The following TPP2 variants were observed in gnomAD, a reference collection of about 807,000 sequenced individuals.
TPP2 encodes the protein tripeptidyl peptidase 2.
In TPP2, 34 loss-of-function variants were observed where a neutral mutation model predicts 155.9. The ratio of observed to expected loss-of-function variants is 0.22; its 90% confidence interval spans 0.17 to 0.29. TPP2 has a LOEUF of 0.29. TPP2 is among the 10% of genes least tolerant of loss of function. The probability of loss-of-function intolerance (pLI) is 1.00; values close to 1 mark genes in which losing one functional copy is unlikely to be tolerated. For missense variants in TPP2, 1,028 were observed against 1,522.3 expected (o/e 0.68, Z 5.40); for synonymous variants, 510 against 529.4 (o/e 0.96, Z 0.50).
intron 21 of TPP2, 92 bp downstream of exon 21, chr13:102,647,436 T>TA (rs903858202): frequency 1.9e-4 from 273 of 1,429,354 alleles, no homozygotes; most frequent in South Asian, 2.1e-4. Context: ...GTTCATACTT[T>TA]AAAAAAAACA....
At position 102,678,405 on chromosome 13, in the gene TPP2, A is replaced by G. The variant is rs997900104; in HGVS notation, c.*89A>G. 8 of 1,099,230 alleles carry G rather than the reference A, an allele frequency of 7.3e-6. No individual in the cohort carries two copies. The highest frequency in any genetic ancestry group is 3.8e-5 in the Admixed American group (2 of 52,998). The allele number at this position is 1,099,230 out of a possible 1,614,324, so 68.1% of individuals were successfully genotyped here. A position where few individuals can be genotyped will look rare whatever the true frequency, so the allele number is the denominator to read the frequency against. ...ATTTGTGGCATTTTTAGTCTAATGC[A>G]TGTTTTCATCCACTATCCAGTACTG... is the stretch of plus-strand genomic sequence containing the variant. On this transcript the variant is annotated 3_prime_UTR_variant, in exon 30 of 30. Transcript: ENST00000376052.
chr13:102,673,161 T>C (rs1885083564), intron 27 of TPP2, among the ~76,000 whole-genome samples: 1 of 152,192 alleles, frequency 6.6e-6, no homozygotes, highest in Admixed American at 6.5e-5. Flanking sequence ...TTCCCTGCCA[T>C]GCGGCCTCTT....
intron 4 of TPP2, 32 bp downstream of exon 4, chr13:102,616,532 C>T: frequency 2.8e-5 from 43 of 1,540,510 alleles, no homozygotes; most frequent in Non-Finnish European, 3.6e-5. Context: ...TTAAACATTA[C>T]CCTAGAACCA....
chr13:102,605,881 G>A (rs984543689), intron 2 of TPP2, among the ~76,000 whole-genome samples: 4 of 152,016 alleles, frequency 2.6e-5, no homozygotes, highest in Admixed American at 6.6e-5. Context: ...CCGCCACCAC[G>A]TCCAGCTAAT....
At chr13:102,667,904 C>A in intron 27 of TPP2, 1 of 844,504 alleles carries the variant, frequency 1.2e-6, no homozygotes, top group Non-Finnish European at 1.4e-6. Flanking sequence ...AAAGAGTGGG[C>A]TAGGGGACTG....
At chr13:102,672,917 G>T (rs550336917) in intron 27 of TPP2, among the ~76,000 whole-genome samples, 1 of 152,330 alleles carries the variant, frequency 6.6e-6, no homozygotes, top group Admixed American at 6.5e-5. Context: ...GCACTGTGCT[G>T]AGAAGCACTG....
At chr13:102,603,077 T>C (rs1879555199) in intron 1 of TPP2, among the ~76,000 whole-genome samples, 1 of 152,172 alleles carries the variant, frequency 6.6e-6, no homozygotes, top group Non-Finnish European at 1.5e-5. Flanking sequence ...TGTAAAAATA[T>C]ATATTGTTAC....
Position 102,627,854 on chromosome 13 carries a change from G to C in TPP2, c.946G>C (p.Glu316Gln), listed in dbSNP as rs1043200467. The C allele has an allele frequency of 6.2e-7, 1 of 1,612,338 alleles. No homozygotes were observed. Among genetic ancestry groups the C allele is most frequent in the Non-Finnish European group, 8.5e-7 (1 of 1,179,038 alleles). The change falls in exon 8 of 30, where the codon GAA (glutamate) becomes CAA (glutamine). Residue 316 changes from glutamate to glutamine, a missense_variant. Physicochemically the swap from Glu to Gln is conservative, Grantham distance 29. Coordinates refer to ENST00000376052, the MANE Select transcript of TPP2 (RefSeq NM_001330588.2). ...TGTGLIRAMI[E>Q]VINHKCDLVN... ...GTCTTAATCTCTTTAATAGATGATA[G>C]AAGTTATAAATCATAAGTGTGATCT...
chr13:102,605,132 C>T (rs182012907), intron 2 of TPP2, among the ~76,000 whole-genome samples: 1 of 97,302 alleles, frequency 1.0e-5, no homozygotes, highest in Non-Finnish European at 2.3e-5. Context: ...GGGTTCCAGT[C>T]GCCCTGGAGG....
intron 14 of TPP2, 135 bp downstream of exon 14, chr13:102,637,374 TC>T: frequency 1.1e-6 from 1 of 920,596 alleles, no homozygotes; most frequent in South Asian, 1.9e-5. Flanking sequence ...GCCAGGTTAT[TC>T]AGTTCTTCTG....
rs1882201496 is a variant in TPP2 at position 102,634,021 on chromosome 13, TGA to T, written c.1320_1321del (p.Gly441AspfsTer28). ...ATTGCTTCTGTTCCTAACTGGACAC[TGA>T]GAGGGACGCAGCTGATGAATGGAAC... On this transcript the variant is annotated frameshift_variant, in exon 11 of 30. Coordinates refer to ENST00000376052, the MANE Select transcript of TPP2 (RefSeq NM_001330588.2). LOFTEE classifies it high-confidence loss of function. 1 of 1,613,980 alleles carries T rather than the reference TGA, an allele frequency of 6.2e-7. No homozygotes were observed. The highest frequency in any genetic ancestry group is 1.3e-5 in the African/African-American group (1 of 74,896).
chr13:102,627,630 G>T lies in TPP2; in HGVS notation c.940-218G>T, dbSNP rs74112124. Among the ~76,000 whole-genome samples the T allele has an allele frequency of 0.055, 6,162 of 111,206 alleles. 193 individuals are homozygous for T. Among genetic ancestry groups the T allele is most frequent in the Non-Finnish European group, 0.069 (3,929 of 57,306 alleles). 73.0% of individuals were successfully genotyped at this position (111,206 alleles called of 152,430 possible). A position where few individuals can be genotyped will look rare whatever the true frequency, so the allele number is the denominator to read the frequency against. On this transcript the variant is annotated intron_variant, in intron 7 of 29. Transcript: ENST00000376052. ...TCTTTTCTAGAAATGCTAGTTTTTT[G>T]TTTTTTTTTTTAATGACTACTTTTT...
intron 25 of TPP2, among the ~76,000 whole-genome samples, chr13:102,662,166 A>G (rs1291987551): frequency 2.0e-5 from 3 of 152,188 alleles, no homozygotes; most frequent in Non-Finnish European, 2.9e-5. Context: ...CAAAAAGACC[A>G]TGTATTATAT....
chr13:102,597,064 C>T lies in TPP2; in HGVS notation c.26C>T (p.Pro9Leu). Residue 9 changes from proline to leucine, a missense_variant, in exon 1 of 30, where the codon CCC becomes CTC. Physicochemically the swap from Pro to Leu is moderately conservative, Grantham distance 98 (BLOSUM62 -3). Transcript: ENST00000376052. Reference protein sequence around the residue: MATAATEEPFPFHGLLPKK... With the variant: MATAATEELFPFHGLLPKK... ...ATGGCCACCGCTGCGACTGAGGAGC[C>T]CTTCCCTTTTCACGGTCTCCTGCCG... The T allele has an allele frequency of 1.2e-6, 2 of 1,612,018 alleles. No homozygotes were observed. The highest frequency in any genetic ancestry group is 1.1e-5 in the South Asian group (1 of 90,984).
Position 102,679,186 on chromosome 13 carries a change from T to C in TPP2, c.*870T>C, listed in dbSNP as rs528180625. 1.3e-5 allele frequency: 2 copies of C among 152,704 alleles called. No homozygotes were observed. The highest frequency in any genetic ancestry group is 4.8e-5 in the African/African-American group (2 of 41,562). 9.5% of individuals were successfully genotyped at this position (152,704 alleles called of 1,614,324 possible). Reference sequence around the variant, plus strand: ...TGAAGCTTCTTAAAGTTGGTCTTAATTTTTCATAAATAAAATTTGGGGTTA... The same window carrying C: ...TGAAGCTTCTTAAAGTTGGTCTTAACTTTTCATAAATAAAATTTGGGGTTA... On this transcript the variant is annotated 3_prime_UTR_variant, in exon 30 of 30. Coordinates refer to ENST00000376052, the MANE Select transcript of TPP2 (RefSeq NM_001330588.2).
At chr13:102,616,918 G>GTT (rs67497572) in intron 4 of TPP2, among the ~76,000 whole-genome samples, 1 of 143,568 alleles carries the variant, frequency 7.0e-6, no homozygotes. Context: ...TTTGTTTTTT[G>GTT]TTTTTTTTTT....
chr13:102,603,552 A>G (rs1879588146), intron 1 of TPP2, among the ~76,000 whole-genome samples: 1 of 152,176 alleles, frequency 6.6e-6, no homozygotes, highest in African/African-American at 2.4e-5. Flanking sequence ...TGAGGCAGGA[A>G]AAAGTTTGGC....
chr13:102,644,459 A>C lies in TPP2; in HGVS notation c.2176-98A>C, dbSNP rs878867491. ...GAGTTTTCTTGCTACAAACAGGAAAAGTTTGAAAACAGAATTGCTCTGAAA... is the reference window on the plus strand; with the variant it reads ...GAGTTTTCTTGCTACAAACAGGAAACGTTTGAAAACAGAATTGCTCTGAAA... On this transcript the variant is annotated intron_variant, in intron 17 of 29. Coordinates refer to ENST00000376052, the MANE Select transcript of TPP2 (RefSeq NM_001330588.2). 10 of 1,024,716 alleles carry C rather than the reference A, an allele frequency of 9.8e-6. No homozygotes were observed. The South Asian group carries it at 1.9e-4, about 19-fold the overall frequency. 63.5% of individuals were successfully genotyped at this position (1,024,716 alleles called of 1,614,324 possible).
chr13:102,634,293 G>A (rs895613614), intron 11 of TPP2, among the ~76,000 whole-genome samples, 195 bp downstream of exon 11: 5 of 152,182 alleles, frequency 3.3e-5, no homozygotes, highest in African/African-American at 1.2e-4. Flanking sequence ...GCTGTCCGCT[G>A]TTAACGACTG....
Sources: allele counts gnomAD v4.1 joint callset (sites outside exome capture counted in the v4.1 genomes callset), GRCh38; gene constraint gnomAD v4.1.1; transcripts MANE v1.5; gene names NCBI Gene and HGNC (gene_info 2026-07-23, HGNC 2026-07-21).